Variants in GRM8 observed in about 807,000 individuals in gnomAD.
GRM8 encodes glutamate metabotropic receptor 8.
In GRM8, 47 loss-of-function variants were observed where a neutral mutation model predicts 87.2. That is an observed-to-expected ratio of 0.54 (90% CI 0.43 to 0.69). The LOEUF (loss-of-function observed/expected upper bound fraction) is 0.69. GRM8 is among the 30% of genes least tolerant of loss of function. GRM8 has a pLI of 0.00. For synonymous variants in GRM8, 396 were observed against 404.5 expected (o/e 0.98, Z 0.25); for missense variants, 1,019 against 1,139.2 (o/e 0.89, Z 1.52).
At chr7:126,622,376 A>G (rs1304590552) in intron 7 of GRM8, among the ~76,000 whole-genome samples, 3 of 152,042 alleles carry the variant, frequency 2.0e-5, no homozygotes, top group Non-Finnish European at 4.4e-5. Flanking sequence ...TGACTGTTTC[A>G]TGACTTATTC....
At chr7:126,654,950 G>A (rs778731704) in intron 7 of GRM8, among the ~76,000 whole-genome samples, 1 of 152,150 alleles carries the variant, frequency 6.6e-6, no homozygotes, top group Non-Finnish European at 1.5e-5. Context: ...TTCAGGAAGA[G>A]CCACAGGGAA....
intron 7 of GRM8, among the ~76,000 whole-genome samples, chr7:126,741,138 C>G (rs984579631): frequency 5.6e-4 from 85 of 152,066 alleles, no homozygotes; most frequent in Non-Finnish European, 1.5e-4. Context: ...CACCATTACA[C>G]TCTTCTGGTC....
At chr7:127,220,927 C>T (rs1277937121) in intron 2 of GRM8, among the ~76,000 whole-genome samples, 2 of 152,202 alleles carry the variant, frequency 1.3e-5, no homozygotes, top group Admixed American at 6.5e-5. Context: ...GGTCACCAAG[C>T]CATGCAGCCC....
chr7:126,751,001 T>A (rs1250378063), intron 7 of GRM8, among the ~76,000 whole-genome samples: 1 of 151,992 alleles, frequency 6.6e-6, no homozygotes. Flanking sequence ...ATGCTTCAGT[T>A]TCCTCATCTG....
At position 126,545,256 on chromosome 7, in the gene GRM8, C is replaced by T. The variant is rs1483057962; in HGVS notation, c.1495-11369G>A. Among the ~76,000 whole-genome samples, 8 of 152,218 alleles carry T rather than the reference C, an allele frequency of 5.3e-5. No individual in the cohort carries two copies. In the South Asian group the frequency reaches 1.5e-3, roughly 28 times the overall value. On this transcript the variant is annotated intron_variant, in intron 8 of 10. Transcript: ENST00000339582. Reference sequence around the variant, plus strand: ...TTTTGGGTAAATGGGATGTAATAACCTTATTATAAGGCTTCACCCCAACAC... The same window carrying T: ...TTTTGGGTAAATGGGATGTAATAACTTTATTATAAGGCTTCACCCCAACAC...
At chr7:126,698,245 G>A (rs1809583913) in intron 7 of GRM8, among the ~76,000 whole-genome samples, 1 of 152,060 alleles carries the variant, frequency 6.6e-6, no homozygotes, top group Non-Finnish European at 1.5e-5. Context: ...TTCTTCTACA[G>A]TAAGTGGAAG....
intron 6 of GRM8, among the ~76,000 whole-genome samples, chr7:126,859,954 T>C (rs1381915939): frequency 6.6e-6 from 1 of 152,156 alleles, no homozygotes; most frequent in African/African-American, 2.4e-5. Flanking sequence ...TATCCAGCAC[T>C]CTGCAATGCA....
chr7:126,768,938 A>AAACAAAAAAAAAAT lies in GRM8; in HGVS notation c.1357+926_1357+927insATTTTTTTTTTGTT, dbSNP rs1554485651. On this transcript the variant is annotated intron_variant, in intron 7 of 10. Transcript: ENST00000339582. ...TTAAAGGAAAAATGCAAAAAAAAAA[A>AAACAAAAAAAAAAT]AAATAAAGAAGAAGTTTCCACTTGA... Among the ~76,000 whole-genome samples, 74 of 148,110 alleles carry AAACAAAAAAAAAAT rather than the reference A, an allele frequency of 5.0e-4. 1 individual carries two copies. Among genetic ancestry groups the AAACAAAAAAAAAAT allele is most frequent in the Middle Eastern group, 3.5e-3 (1 of 286 alleles).
chr7:126,465,237 A>T (rs1246468544), intron 9 of GRM8: 1 of 151,640 alleles, frequency 6.6e-6, no homozygotes, highest in Non-Finnish European at 1.5e-5. Context: ...AAACCTCAAT[A>T]CTTGGTAGTA....
At chr7:126,667,481 G>A (rs1319764971) in intron 7 of GRM8, among the ~76,000 whole-genome samples, 1 of 152,086 alleles carries the variant, frequency 6.6e-6, no homozygotes, top group Non-Finnish European at 1.5e-5. Context: ...TATTCAGGGA[G>A]GATCAAAACA....
chr7:126,753,126 C>T (rs2283070), intron 7 of GRM8, among the ~76,000 whole-genome samples: 49,531 of 151,774 alleles, frequency 0.33, 9,114 homozygotes, highest in Middle Eastern at 0.46. Flanking sequence ...ATACTTGGAG[C>T]ATTGAACATA....
At chr7:127,034,456 T>G (rs569815224) in intron 3 of GRM8, among the ~76,000 whole-genome samples, 2 of 152,272 alleles carry the variant, frequency 1.3e-5, no homozygotes, top group African/African-American at 2.4e-5. Flanking sequence ...AAAATAAACT[T>G]AAGAGGTAAA....
chr7:126,514,446 C>T (rs1458143621), intron 9 of GRM8, among the ~76,000 whole-genome samples: 2 of 152,120 alleles, frequency 1.3e-5, no homozygotes, highest in African/African-American at 4.8e-5. Flanking sequence ...TTCCATGAAA[C>T]TGTTTTACTA....
intron 7 of GRM8, among the ~76,000 whole-genome samples, chr7:126,639,809 G>A (rs1304948019): frequency 6.6e-6 from 1 of 152,204 alleles, no homozygotes; most frequent in Non-Finnish European, 1.5e-5. Context: ...TTTGTGTTCA[G>A]CAGACTCAGA....
At chr7:126,627,907 T>C (rs1421439966) in intron 7 of GRM8, among the ~76,000 whole-genome samples, 3 of 152,226 alleles carry the variant, frequency 2.0e-5, no homozygotes, top group African/African-American at 7.2e-5. Flanking sequence ...GATCTGCTAA[T>C]GTTTTGTTTA....
intron 3 of GRM8, among the ~76,000 whole-genome samples, chr7:126,979,777 T>C (rs886817636): frequency 6.6e-6 from 1 of 152,234 alleles, no homozygotes; most frequent in African/African-American, 2.4e-5. Context: ...CTCCTATCCC[T>C]TGGGCTAAGG....
In GRM8 at chr7:126,724,019, T is replaced by C. The variant is rs147419127; in HGVS notation, c.1357+45846A>G. ...CCTAACAACATTTACATAGAGGGCATACATTTTTAAACAGGTGTCTGTGTG... is the reference window on the plus strand; with the variant it reads ...CCTAACAACATTTACATAGAGGGCACACATTTTTAAACAGGTGTCTGTGTG... On this transcript the variant is annotated intron_variant, in intron 7 of 10. Coordinates refer to ENST00000339582, the MANE Select transcript of GRM8 (RefSeq NM_000845.3). 2.8e-3 allele frequency among the ~76,000 whole-genome samples: 431 copies of C among 152,272 alleles called. 7 individuals are homozygous for C. The highest frequency in any genetic ancestry group is 9.8e-3 in the African/African-American group (409 of 41,566).
chr7:126,600,956 G>C (rs926788083), intron 8 of GRM8, among the ~76,000 whole-genome samples: 1 of 151,714 alleles, frequency 6.6e-6, no homozygotes, highest in African/African-American at 2.4e-5. Context: ...TATACTTTAA[G>C]TTTTAGGGTA....
At chr7:127,203,728 A>AAAATG (rs1388605938) in intron 2 of GRM8, among the ~76,000 whole-genome samples, 1 of 151,862 alleles carries the variant, frequency 6.6e-6, no homozygotes, top group East Asian at 1.9e-4. Flanking sequence ...AAAATAAAAT[A>AAAATG]AAATAAATTG....
Sources: allele counts gnomAD v4.1 joint callset (sites outside exome capture counted in the v4.1 genomes callset), GRCh38; gene constraint gnomAD v4.1.1; transcripts MANE v1.5; gene names NCBI Gene and HGNC (gene_info 2026-07-23, HGNC 2026-07-21).